The following PPP3CA variants were observed in gnomAD, a reference collection of about 807,000 sequenced individuals.
PPP3CA encodes CAM-PRP catalytic subunit.
Under a neutral mutation model 66.5 loss-of-function variants are expected in PPP3CA, and 14 were observed. That is an observed-to-expected ratio of 0.21 (90% CI 0.14 to 0.33). PPP3CA has a LOEUF of 0.33. Among genes scored for constraint, PPP3CA ranks in the 10% least tolerant of loss-of-function variants. PPP3CA has a pLI of 1.00. For synonymous variants in PPP3CA, 232 were observed against 226.2 expected, an observed-to-expected ratio of 1.03 and a Z score of -0.23; for missense variants, 317 against 639.5, an observed-to-expected ratio of 0.50 and a Z score of 5.44.
chr4:101,328,015 T>C (rs1729259372), intron 1 of PPP3CA, among the ~76,000 whole-genome samples: 1 of 152,148 alleles, frequency 6.6e-6, no homozygotes, highest in Non-Finnish European at 1.5e-5. Flanking sequence ...AATATGAACC[T>C]AAGCTGATTC....
At chr4:101,091,939 T>C (rs1729970311) in intron 6 of PPP3CA, among the ~76,000 whole-genome samples, 1 of 151,570 alleles carries the variant, frequency 6.6e-6, no homozygotes, top group African/African-American at 2.4e-5. Flanking sequence ...AATTCTCATC[T>C]TCTTCATAAC....
At chr4:101,072,935 C>CA (rs71596318) in intron 8 of PPP3CA, among the ~76,000 whole-genome samples, 2,595 of 58,900 alleles carry the variant, frequency 0.044, 58 homozygotes, top group African/African-American at 0.085. Flanking sequence ...GACTCCTTCT[C>CA]AAAAAAAAAA....
intron 10 of PPP3CA, among the ~76,000 whole-genome samples, chr4:101,048,913 T>TA (rs1242916104): frequency 6.6e-6 from 1 of 152,056 alleles, no homozygotes; most frequent in Non-Finnish European, 1.5e-5. Context: ...TAATTTTTTT[T>TA]AAAAAAGTTT....
Position 101,110,950 on chromosome 4 carries a change from T to TA in PPP3CA, c.260-1873dup, listed in dbSNP as rs1560607630. ...TATATATTTTATATATGTGTGTACATATAAGATATGAGCATAATAATTTTA... is the reference window on the plus strand; with the variant it reads ...TATATATTTTATATATGTGTGTACATAATAAGATATGAGCATAATAATTTTA... On this transcript the variant is annotated intron_variant, in intron 2 of 13. Transcript: ENST00000394854. 3.0e-3 allele frequency among the ~76,000 whole-genome samples: 462 copies of TA among 151,950 alleles called. 4 individuals are homozygous for TA. Among genetic ancestry groups the TA allele is most frequent in the African/African-American group, 0.011 (442 of 41,448 alleles).
At chr4:101,235,431 T>TCACACACACACACACA (rs57851713) in intron 1 of PPP3CA, among the ~76,000 whole-genome samples, 3 of 148,168 alleles carry the variant, frequency 2.0e-5, no homozygotes, top group Non-Finnish European at 4.5e-5. Context: ...AAACATACAC[T>TCACACACACACACACA]CACACACACA....
chr4:101,278,129 AAAAAAAAAAAT>A (rs1159362892), intron 1 of PPP3CA, among the ~76,000 whole-genome samples: 5 of 145,734 alleles, frequency 3.4e-5, no homozygotes, highest in African/African-American at 1.1e-4. Context: ...TAGTAAAAAA[AAAAAAAAAAAT>A]AAAAAAATTA....
intron 1 of PPP3CA, among the ~76,000 whole-genome samples, chr4:101,315,317 A>G (rs765059174): frequency 9.2e-5 from 14 of 152,158 alleles, no homozygotes; most frequent in Admixed American, 7.9e-4. Context: ...TAAACCATCT[A>G]ATCTAAGGCA....
chr4:101,073,752 T>C (rs1289464079), intron 8 of PPP3CA, among the ~76,000 whole-genome samples: 1 of 152,202 alleles, frequency 6.6e-6, no homozygotes, highest in Non-Finnish European at 1.5e-5. Flanking sequence ...AGAATCTTTA[T>C]CAAATAAATG....
At chr4:101,066,443 C>T (rs1279436316) in intron 8 of PPP3CA, among the ~76,000 whole-genome samples, 9 of 152,062 alleles carry the variant, frequency 5.9e-5, no homozygotes, top group African/African-American at 9.7e-5. Flanking sequence ...TCACTGTTAA[C>T]AATGAAAGGC....
At chr4:101,207,024 A>G (rs1725151204) in intron 1 of PPP3CA, among the ~76,000 whole-genome samples, 1 of 152,224 alleles carries the variant, frequency 6.6e-6, no homozygotes, top group African/African-American at 2.4e-5. Flanking sequence ...TGAGCAACAG[A>G]TAGAAAACTG....
intron 2 of PPP3CA, among the ~76,000 whole-genome samples, chr4:101,146,702 A>C (rs190801636): frequency 1.1e-4 from 16 of 152,192 alleles, no homozygotes; most frequent in African/African-American, 3.6e-4. Flanking sequence ...CGGCTTTCCA[A>C]AGTGCTGGGA....
At chr4:101,105,443 G>C (rs1730622036) in intron 3 of PPP3CA, among the ~76,000 whole-genome samples, 4 of 150,986 alleles carry the variant, frequency 2.6e-5, no homozygotes, top group South Asian at 4.2e-4. Flanking sequence ...GAGATTACAG[G>C]TTGAGCCACC....
intron 1 of PPP3CA, among the ~76,000 whole-genome samples, chr4:101,217,541 A>G (rs1427294480): frequency 6.6e-6 from 1 of 152,154 alleles, no homozygotes; most frequent in Admixed American, 6.6e-5. Flanking sequence ...GAATCAGTCA[A>G]GGATCTGCCA....
intron 1 of PPP3CA, among the ~76,000 whole-genome samples, chr4:101,304,121 T>C (rs1728463403): frequency 6.6e-6 from 1 of 152,206 alleles, no homozygotes; most frequent in Non-Finnish European, 1.5e-5. Context: ...TCTGTTATTA[T>C]GCATTATCAA....
intron 1 of PPP3CA, among the ~76,000 whole-genome samples, chr4:101,276,263 C>T (rs979181499): frequency 6.6e-6 from 1 of 152,030 alleles, no homozygotes; most frequent in East Asian, 1.9e-4. Context: ...CAAAAAACAC[C>T]TTTAGAGAAG....
At chr4:101,108,475 T>C in intron 3 of PPP3CA, among the ~76,000 whole-genome samples, 1 of 152,162 alleles carries the variant, frequency 6.6e-6, no homozygotes, top group East Asian at 1.9e-4. Flanking sequence ...TTAAAAAATA[T>C]GGGAATCACG....
At chr4:101,039,799 T>C (rs761234378) in intron 11 of PPP3CA, among the ~76,000 whole-genome samples, 1 of 144,646 alleles carries the variant, frequency 6.9e-6, no homozygotes, top group African/African-American at 2.5e-5. Context: ...AAGGTGTTCC[T>C]ATTTACTCGC....
intron 3 of PPP3CA, among the ~76,000 whole-genome samples, chr4:101,100,184 C>T (rs113775735): frequency 6.6e-6 from 1 of 151,938 alleles, no homozygotes; most frequent in African/African-American, 2.4e-5. Context: ...GATTTATATA[C>T]CAAAGACACT....
chr4:101,136,260 A>C (rs1168862680), intron 2 of PPP3CA, among the ~76,000 whole-genome samples: 1 of 152,154 alleles, frequency 6.6e-6, no homozygotes, highest in Non-Finnish European at 1.5e-5. Flanking sequence ...CTGTGCTATC[A>C]AATGTGTTCA....
Sources: allele counts gnomAD v4.1 joint callset (sites outside exome capture counted in the v4.1 genomes callset), GRCh38; gene constraint gnomAD v4.1.1; transcripts MANE v1.5; gene names NCBI Gene and HGNC (gene_info 2026-07-23, HGNC 2026-07-21).